The following RABGAP1L variants were observed in gnomAD, a reference collection of about 807,000 sequenced individuals.
RABGAP1L encodes the protein rab GTPase-activating protein 1-like.
Under a neutral mutation model 137.7 loss-of-function variants are expected in RABGAP1L, and 63 were observed. The ratio of observed to expected loss-of-function variants is 0.46; its 90% CI spans 0.37 to 0.56. The LOEUF is 0.56. RABGAP1L is among the 20% of genes least tolerant of loss of function. The pLI, the probability that RABGAP1L is intolerant of heterozygous loss-of-function variation, is 0.00. For synonymous variants in RABGAP1L, 431 were observed against 433.7 expected, an observed-to-expected ratio of 0.99 and a Z score of 0.08; for missense variants, 1,095 against 1,244.0, an observed-to-expected ratio of 0.88 and a Z score of 1.80.
chr1:174,755,534 T>C (rs1443875850), intron 18 of RABGAP1L, among the ~76,000 whole-genome samples: 1 of 152,184 alleles, frequency 6.6e-6, no homozygotes, highest in African/African-American at 2.4e-5. Flanking sequence ...CCCAAAGTAT[T>C]ATATGCTTAT....
chr1:174,398,381 G>A (rs188607185), intron 13 of RABGAP1L, among the ~76,000 whole-genome samples: 17 of 152,148 alleles, frequency 1.1e-4, no homozygotes, highest in Non-Finnish European at 2.4e-4. Context: ...TCACATGGTC[G>A]GTCTTTGTGG....
intron 18 of RABGAP1L, among the ~76,000 whole-genome samples, chr1:174,763,604 T>G (rs944899858): frequency 1.5e-4 from 18 of 120,476 alleles, no homozygotes; most frequent in Non-Finnish European, 2.6e-4. Context: ...TGAGCCAAGA[T>G]CGCGCCACTG....
intron 21 of RABGAP1L, among the ~76,000 whole-genome samples, chr1:174,970,851 C>T (rs554823398): frequency 2.6e-5 from 4 of 152,086 alleles, no homozygotes; most frequent in African/African-American, 9.6e-5. Context: ...GGGAGAATGA[C>T]AGTTTGACTG....
At position 174,749,454 on chromosome 1, in the gene RABGAP1L, C is replaced by T. The variant is rs889670729; in HGVS notation, c.2170-2859C>T. Among the ~76,000 whole-genome samples the T allele has an allele frequency of 7.2e-5, 11 of 151,992 alleles. 1 individual carries two copies. Among genetic ancestry groups the T allele is most frequent in the Admixed American group, 5.2e-4 (8 of 15,266 alleles). ...AAGCACTCCTCCTGCCTCAGCCTCCCATGAAGCTGGGACCACAGGTGTGTA... is the reference window on the plus strand; with the variant it reads ...AAGCACTCCTCCTGCCTCAGCCTCCTATGAAGCTGGGACCACAGGTGTGTA... On this transcript the variant is annotated intron_variant, in intron 17 of 25. Transcript: ENST00000681986.
chr1:174,887,930 G>A (rs1475084854), intron 19 of RABGAP1L, among the ~76,000 whole-genome samples: 2 of 151,954 alleles, frequency 1.3e-5, no homozygotes, highest in Non-Finnish European at 2.9e-5. Context: ...CCAGCTACTC[G>A]GGAGGCTGAG....
intron 3 of RABGAP1L, among the ~76,000 whole-genome samples, chr1:174,228,663 C>T (rs10489254): frequency 0.073 from 11,031 of 152,062 alleles, 598 homozygotes; most frequent in East Asian, 0.32. Context: ...TTTTGAATGG[C>T]TTTAGTTCCT....
intron 14 of RABGAP1L, among the ~76,000 whole-genome samples, chr1:174,668,875 A>G (rs1176852851): frequency 6.6e-6 from 1 of 152,014 alleles, no homozygotes; most frequent in Non-Finnish European, 1.5e-5. Flanking sequence ...ACATTTTTTC[A>G]TATTCCTGTT....
At chr1:174,201,755 C>T (rs1369073303) in intron 1 of RABGAP1L, among the ~76,000 whole-genome samples, 1 of 150,080 alleles carries the variant, frequency 6.7e-6, no homozygotes, top group Non-Finnish European at 1.5e-5. Context: ...CACCCATTAA[C>T]TCGTCATTTA....
At chr1:174,606,186 C>G (rs561235465) in intron 13 of RABGAP1L, among the ~76,000 whole-genome samples, 1 of 152,246 alleles carries the variant, frequency 6.6e-6, no homozygotes, top group Admixed American at 6.5e-5. Context: ...ATAGTATCTA[C>G]TAGTTTATGA....
At chr1:174,872,026 G>A (rs1652285422) in intron 19 of RABGAP1L, among the ~76,000 whole-genome samples, 1 of 152,156 alleles carries the variant, frequency 6.6e-6, no homozygotes, top group Admixed American at 6.5e-5. Context: ...TTCATAGTCT[G>A]GAATCTACCT....
At chr1:174,351,446 T>C (rs1403716333) in intron 11 of RABGAP1L, among the ~76,000 whole-genome samples, 1 of 152,232 alleles carries the variant, frequency 6.6e-6, no homozygotes, top group African/African-American at 2.4e-5. Context: ...CTGAATATAC[T>C]ATCCTAAGAT....
At chr1:174,936,524 G>C (rs1664822596) in intron 19 of RABGAP1L, among the ~76,000 whole-genome samples, 1 of 151,864 alleles carries the variant, frequency 6.6e-6, no homozygotes, top group Admixed American at 6.6e-5. Flanking sequence ...AGCCTGGGAG[G>C]TCAAGGCTGC....
chr1:174,826,219 T>C (rs2148899376), intron 19 of RABGAP1L, among the ~76,000 whole-genome samples: 1 of 152,196 alleles, frequency 6.6e-6, no homozygotes, highest in South Asian at 2.1e-4. Flanking sequence ...GCAGAAAAGG[T>C]GATTTCAGTT....
Position 174,992,624 on chromosome 1 carries a change from C to A in RABGAP1L, c.*2623C>A, listed in dbSNP as rs1672137187. The A allele has an allele frequency of 6.6e-6, 1 of 151,894 alleles. No homozygotes were observed. Among genetic ancestry groups the A allele is most frequent in the Admixed American group, 6.6e-5 (1 of 15,238 alleles). 9.4% of individuals were successfully genotyped at this position (151,894 alleles called of 1,614,324 possible). A position where few individuals can be genotyped will look rare whatever the true frequency, so the allele number is the denominator to read the frequency against. On this transcript the variant is annotated 3_prime_UTR_variant, in exon 26 of 26. Transcript: ENST00000681986. ...GCCTAAACTCTCCTTCACTGCAATG[C>A]CTTTGAGTCAGTAGCAATAGTAAAG...
intron 19 of RABGAP1L, among the ~76,000 whole-genome samples, chr1:174,851,412 T>C (rs1034994300): frequency 1.8e-4 from 27 of 151,988 alleles, no homozygotes; most frequent in African/African-American, 6.0e-4. Context: ...TTTTCATTAC[T>C]TTCTCCAATT....
chr1:174,807,474 G>A (rs539060345), intron 18 of RABGAP1L, among the ~76,000 whole-genome samples: 24 of 152,144 alleles, frequency 1.6e-4, no homozygotes, highest in Non-Finnish European at 2.6e-4. Context: ...TGATTGTAGA[G>A]GGAAAAACCT....
At chr1:174,429,755 A>T (rs970649416) in intron 13 of RABGAP1L, among the ~76,000 whole-genome samples, 4 of 151,774 alleles carry the variant, frequency 2.6e-5, no homozygotes, top group Non-Finnish European at 4.4e-5. Context: ...AAAAAAATAA[A>T]AATAAAAATA....
intron 19 of RABGAP1L, among the ~76,000 whole-genome samples, chr1:174,830,867 C>G (rs574359131): frequency 4.7e-5 from 7 of 147,934 alleles, no homozygotes; most frequent in African/African-American, 1.7e-4. Context: ...ATAGCAGAAA[C>G]AGTAGATGAT....
chr1:174,842,968 C>G (rs1693579820), intron 19 of RABGAP1L, among the ~76,000 whole-genome samples: 1 of 152,048 alleles, frequency 6.6e-6, no homozygotes, highest in African/African-American at 2.4e-5. Context: ...TGGGACTTAC[C>G]TATTTGTTTG....
Sources: allele counts gnomAD v4.1 joint callset (sites outside exome capture counted in the v4.1 genomes callset), GRCh38; gene constraint gnomAD v4.1.1; transcripts MANE v1.5; gene names NCBI Gene and HGNC (gene_info 2026-07-23, HGNC 2026-07-21).